Variants in DPP6 observed in about 807,000 individuals in gnomAD.
DPP6 encodes the protein A-type potassium channel modulatory protein DPP6.
A neutral mutation model predicts 122.6 loss-of-function variants in DPP6; 69 were observed. The ratio of observed to expected loss-of-function variants is 0.56; its 90% CI spans 0.46 to 0.69. DPP6 has a LOEUF of 0.69. Ranked by LOEUF, DPP6 falls within the 30% of genes least tolerant of loss-of-function variation. The pLI, the probability that DPP6 is intolerant of heterozygous loss-of-function variation, is 0.00. For synonymous variants in DPP6, 418 were observed against 433.1 expected, an observed-to-expected ratio of 0.97 and a Z score of 0.43; for missense variants, 928 against 1,116.9, an observed-to-expected ratio of 0.83 and a Z score of 2.41.
At chr7:154,497,225 T>C (rs1477086465) in intron 3 of DPP6, among the ~76,000 whole-genome samples, 2 of 152,186 alleles carry the variant, frequency 1.3e-5, no homozygotes, top group African/African-American at 4.8e-5. Flanking sequence ...GAGTCTCTTC[T>C]AGTTTGTACT....
intron 7 of DPP6, among the ~76,000 whole-genome samples, chr7:154,708,514 G>A (rs964034826): frequency 6.6e-6 from 1 of 152,106 alleles, no homozygotes; most frequent in Middle Eastern, 3.4e-3. Context: ...TTCTTTGATC[G>A]ATCTGTTTGT....
chr7:154,669,389 T>G lies in DPP6; in HGVS notation c.710T>G (p.Val237Gly). ...CCTCAAAGTCTGGACCCACCAGAAG[T>G]CAGCAATGCAAAACTTCAGTATGCA... is the stretch of plus-strand genomic sequence containing the variant. Reference protein sequence around the residue: ...GDPQSLDPPEVSNAKLQYAGW... With the variant: ...GDPQSLDPPEGSNAKLQYAGW... The change falls in exon 7 of 26, where the codon GTC (valine) becomes GGC (glycine). Residue 237 changes from valine (V) to glycine (G), a missense_variant. Val to Gly is a moderately radical substitution (Grantham distance 109, BLOSUM62 -3). Transcript: ENST00000377770. The G allele has an allele frequency of 6.4e-7, 1 of 1,556,498 alleles. No individual in the cohort carries two copies. Among genetic ancestry groups the G allele is most frequent in the Non-Finnish European group, 8.7e-7 (1 of 1,149,290 alleles).
the DPP6 span, among the ~76,000 whole-genome samples, chr7:153,775,101 G>C: frequency 2.0e-5 from 3 of 147,238 alleles, no homozygotes; most frequent in Non-Finnish European, 4.5e-5. Context: ...GATTAAAAGA[G>C]AACTAAAAAC....
the DPP6 span, among the ~76,000 whole-genome samples, chr7:153,813,782 G>C: frequency 1.3e-5 from 2 of 151,588 alleles, no homozygotes; most frequent in Non-Finnish European, 2.9e-5. Context: ...GCCAGTGATG[G>C]TGAGCATTTT....
At chr7:154,696,076 TC>T (rs1029533538) in intron 7 of DPP6, among the ~76,000 whole-genome samples, 1 of 152,180 alleles carries the variant, frequency 6.6e-6, no homozygotes, top group African/African-American at 2.4e-5. Flanking sequence ...GTCCAGGGAC[TC>T]CATGCCGGGC....
the DPP6 span, among the ~76,000 whole-genome samples, chr7:153,880,318 TGTAAA>T: frequency 2.0e-5 from 3 of 152,354 alleles, no homozygotes; most frequent in South Asian, 2.1e-4. Context: ...AAAATAGATA[TGTAAA>T]GTAATTTCAC....
At chr7:153,907,467 ATC>A (rs957078006) in intron 1 of DPP6, among the ~76,000 whole-genome samples, 2 of 152,226 alleles carry the variant, frequency 1.3e-5, no homozygotes, top group African/African-American at 4.8e-5. Flanking sequence ...ATATTATCTA[ATC>A]TAGGTGTGAT....
At chr7:154,499,937 G>T (rs901317835) in intron 3 of DPP6, among the ~76,000 whole-genome samples, 3 of 152,158 alleles carry the variant, frequency 2.0e-5, no homozygotes, top group African/African-American at 7.2e-5. Flanking sequence ...AAAGGAAAAG[G>T]CACATGGGGT....
At chr7:154,446,178 A>G in intron 1 of DPP6, 36 bp from the exon 2 acceptor site, 1 of 1,334,924 alleles carries the variant, frequency 7.5e-7, no homozygotes, top group Non-Finnish European at 1.1e-6. Context: ...TCCTTATTTC[A>G]CTCACTGGGG....
chr7:154,214,617 G>T (rs897310686), intron 1 of DPP6, among the ~76,000 whole-genome samples: 5 of 152,168 alleles, frequency 3.3e-5, no homozygotes, highest in Admixed American at 6.5e-5. Context: ...GTAAACTAGG[G>T]ATAAAAATAT....
the DPP6 span, among the ~76,000 whole-genome samples, chr7:153,799,086 G>A: frequency 0.44 from 67,403 of 152,034 alleles, 15,271 homozygotes; most frequent in Middle Eastern, 0.55. Context: ...AGACAAGGCC[G>A]TGGACTGGTA....
At position 154,821,540 on chromosome 7, in the gene DPP6, C is replaced by T. The variant is rs1228482745; in HGVS notation, c.1666+14428C>T. ...ATCCAGCCTCGTAATGACACTACTC[C>T]TCTATCAGAGCTTTCAAACACTTTT... is the stretch of plus-strand genomic sequence containing the variant. On this transcript the variant is annotated intron_variant, in intron 16 of 25. Coordinates refer to ENST00000377770, the MANE Select transcript of DPP6 (RefSeq NM_130797.4). This position sits in a 1 kb window ranked among gnomAD's most constrained non-coding sequence, Gnocchi z 4.2. 4.0e-5 allele frequency among the ~76,000 whole-genome samples: 6 copies of T among 151,190 alleles called. No homozygotes were observed. The South Asian group carries it at 8.3e-4, about 21-fold the overall frequency.
At chr7:153,981,146 T>C (rs1297128824) in intron 1 of DPP6, among the ~76,000 whole-genome samples, 1 of 152,182 alleles carries the variant, frequency 6.6e-6, no homozygotes, top group East Asian at 1.9e-4. Context: ...GACAGTGAGA[T>C]GTTGAAGTAT....
At chr7:154,094,229 T>C (rs1335606800) in intron 1 of DPP6, 2 of 152,162 alleles carry the variant, frequency 1.3e-5, no homozygotes, top group African/African-American at 4.8e-5. Context: ...CGGGATGCTT[T>C]GCGATACAAA....
At chr7:153,892,415 G>A (rs1426272084) in intron 1 of DPP6, among the ~76,000 whole-genome samples, 1 of 152,090 alleles carries the variant, frequency 6.6e-6, no homozygotes, top group Non-Finnish European at 1.5e-5. Flanking sequence ...CCAGGTTCAA[G>A]CAATCCTCTT....
intron 1 of DPP6, among the ~76,000 whole-genome samples, chr7:153,964,774 C>T (rs183897200): frequency 5.5e-5 from 7 of 126,178 alleles, no homozygotes; most frequent in Non-Finnish European, 9.5e-5. Context: ...CATTCTTCTC[C>T]GTGGCTCCTT....
At chr7:154,622,565 G>A (rs948475770) in intron 5 of DPP6, among the ~76,000 whole-genome samples, 3 of 152,186 alleles carry the variant, frequency 2.0e-5, no homozygotes, top group Admixed American at 1.3e-4. Context: ...AGGTAGCCAA[G>A]GAGACAGAAA....
rs754525262 is a variant in DPP6 at position 154,282,497 on chromosome 7, C to T, written c.244-163717C>T. On this transcript the variant is annotated intron_variant, in intron 1 of 25. Transcript: ENST00000377770. This position sits in a 1 kb window ranked among gnomAD's most constrained non-coding sequence, Gnocchi z 4.8. ...CCCTACGCCCCTTGGGAGAGTGTGG[C>T]ACACTGGAAGAAAGACACGCTGTAT... 2.8e-4 allele frequency among the ~76,000 whole-genome samples: 42 copies of T among 152,262 alleles called. No homozygotes were observed. The highest frequency in any genetic ancestry group is 5.6e-4 in the Non-Finnish European group (38 of 68,018).
intron 2 of DPP6, among the ~76,000 whole-genome samples, chr7:154,466,386 T>C (rs954708108): frequency 1.3e-5 from 2 of 152,212 alleles, no homozygotes; most frequent in Non-Finnish European, 2.9e-5. Flanking sequence ...ATTTCATTTC[T>C]CACACTTCTG....
Sources: gnomAD v4.1 joint callset for allele counts (sites outside exome capture counted in the v4.1 genomes callset) on GRCh38, gnomAD v4.1.1 for gene constraint, Gnocchi (gnomAD v3.1) non-coding constraint, MANE v1.5 for transcripts, NCBI Gene and HGNC (gene_info 2026-07-23, HGNC 2026-07-21) for gene names.